Variants in CDH12 observed in about 807,000 individuals in gnomAD.
The protein encoded by CDH12 is cadherin 12.
In CDH12, 41 loss-of-function variants were observed where a neutral mutation model predicts 74.1. The observed-to-expected ratio is 0.55, with a 90% CI of 0.43 to 0.72. The LOEUF is 0.72. Among genes scored for constraint, CDH12 ranks in the 30% least tolerant of loss-of-function variants. The pLI is 0.00. For missense variants in CDH12, 945 were observed against 977.2 expected (o/e 0.97, Z 0.44); for synonymous variants, 399 against 355.0 (o/e 1.12, Z -1.39).
At chr5:21,954,709 T>C (rs565370291) in intron 6 of CDH12, among the ~76,000 whole-genome samples, 40 of 152,222 alleles carry the variant, frequency 2.6e-4, no homozygotes, top group African/African-American at 8.9e-4. Context: ...TCTGCTTTTT[T>C]ATTGTAAAAC....
chr5:22,694,871 G>T (rs1220549073), intron 1 of CDH12, among the ~76,000 whole-genome samples: 1 of 151,890 alleles, frequency 6.6e-6, no homozygotes, highest in Non-Finnish European at 1.5e-5. Flanking sequence ...TGTGCAGAAT[G>T]TGCAGGTTTG....
At chr5:22,157,966 C>T (rs571202033) in intron 4 of CDH12, among the ~76,000 whole-genome samples, 58 of 151,750 alleles carry the variant, frequency 3.8e-4, no homozygotes, top group African/African-American at 1.4e-3. Flanking sequence ...TAATTTTCAT[C>T]CTGTATTCAT....
rs189931247 is a variant in CDH12, at chr5:22,315,843, A to G, written c.-333+89414T>C. ...TTGAGGAATTAGTGGCTGCATTGCCAGACACCTTTCGCAAACTCTGTGAAG... is the reference window on the plus strand; with the variant it reads ...TTGAGGAATTAGTGGCTGCATTGCCGGACACCTTTCGCAAACTCTGTGAAG... On this transcript the variant is annotated intron_variant, in intron 3 of 14. Coordinates refer to ENST00000382254, the MANE Select transcript of CDH12 (RefSeq NM_004061.5). Among the ~76,000 whole-genome samples the G allele has an allele frequency of 7.1e-3, 1,084 of 152,294 alleles. 10 individuals are homozygous for G. Among genetic ancestry groups the G allele is most frequent in the South Asian group, 0.042 (203 of 4,822 alleles).
chr5:22,223,652 G>T (rs1752091446), intron 3 of CDH12, among the ~76,000 whole-genome samples: 2 of 152,002 alleles, frequency 1.3e-5, no homozygotes, highest in South Asian at 4.1e-4. Context: ...TCTAGAGTAG[G>T]ATTGGCCCAC....
At chr5:21,759,608 T>C (rs1425974945) in intron 13 of CDH12, among the ~76,000 whole-genome samples, 3 of 152,110 alleles carry the variant, frequency 2.0e-5, no homozygotes, top group African/African-American at 7.2e-5. Context: ...ATTTTGGTAG[T>C]ATGGAACAAA....
At chr5:22,618,725 T>G (rs546452094) in intron 1 of CDH12, among the ~76,000 whole-genome samples, 27 of 152,254 alleles carry the variant, frequency 1.8e-4, no homozygotes, top group African/African-American at 6.3e-4. Context: ...TGATTTGGTT[T>G]GGCTGTGTCT....
rs552693785 is a variant in CDH12 at position 22,270,997 on chromosome 5, A to G, written c.-332-58354T>C. Among the ~76,000 whole-genome samples the G allele has an allele frequency of 2.0e-5, 3 of 152,212 alleles. No individual in the cohort carries two copies. In the South Asian group the frequency reaches 6.2e-4, roughly 32 times the overall value. On this transcript the variant is annotated intron_variant, in intron 3 of 14. Coordinates refer to ENST00000382254, the MANE Select transcript of CDH12 (RefSeq NM_004061.5). ...CCTTTACTTTTGTTCTTTTGGCTCT[A>G]TAATAAGCATATTCTTTATACTTGG...
intron 4 of CDH12, among the ~76,000 whole-genome samples, chr5:22,179,619 A>C (rs550779908): frequency 2.0e-5 from 3 of 152,196 alleles, no homozygotes; most frequent in Non-Finnish European, 4.4e-5. Context: ...GATGGTACAT[A>C]GCTCCTGTGG....
At chr5:22,456,548 GAAC>G in intron 2 of CDH12, among the ~76,000 whole-genome samples, 2 of 151,876 alleles carry the variant, frequency 1.3e-5, no homozygotes, top group South Asian at 4.2e-4. Flanking sequence ...AAACAGCACA[GAAC>G]AAAAGATTTA....
chr5:22,158,160 T>C (rs975348457), intron 4 of CDH12, among the ~76,000 whole-genome samples: 5 of 152,090 alleles, frequency 3.3e-5, no homozygotes, highest in Non-Finnish European at 5.9e-5. Context: ...ATGGTTATGT[T>C]ATTAATGCAC....
chr5:22,244,514 AAAAAAAAAAAAAAAAAAAAG>A (rs1285839022), intron 3 of CDH12, among the ~76,000 whole-genome samples: 910 of 54,956 alleles, frequency 0.017, 52 homozygotes, highest in African/African-American at 0.054. Context: ...AAAAAAAAAA[AAAAAAAAAAAAAAAAAAAAG>A]AAGAAGAAGA....
chr5:22,713,168 G>A (rs1198083923), intron 1 of CDH12, among the ~76,000 whole-genome samples: 1 of 99,344 alleles, frequency 1.0e-5, no homozygotes, highest in Non-Finnish European at 1.8e-5. Context: ...TTGAGGTGGA[G>A]TCTTGCTCTC....
At chr5:22,744,281 T>C (rs1297443062) in intron 1 of CDH12, among the ~76,000 whole-genome samples, 1 of 151,970 alleles carries the variant, frequency 6.6e-6, no homozygotes, top group Non-Finnish European at 1.5e-5. Context: ...TACAAAAAAT[T>C]AGCCGGGCAT....
intron 5 of CDH12, among the ~76,000 whole-genome samples, chr5:22,003,610 G>A (rs1446351712): frequency 6.6e-6 from 1 of 151,982 alleles, no homozygotes; most frequent in Non-Finnish European, 1.5e-5. Context: ...AATAATTCTA[G>A]TGTTGCATTG....
In CDH12 at chr5:22,097,942, A is replaced by G. The variant is rs560656523; in HGVS notation, c.-186-19080T>C. On this transcript the variant is annotated intron_variant, in intron 4 of 14. Coordinates refer to ENST00000382254, the MANE Select transcript of CDH12 (RefSeq NM_004061.5). ...ACAATTCCCCCATTTCACCTGTCCT[A>G]AAACCAGACAAGGCTTACAGGTTAG... Among the ~76,000 whole-genome samples the G allele has an allele frequency of 1.3e-4, 20 of 152,282 alleles. No homozygotes were observed. In the East Asian group the frequency reaches 3.9e-3, roughly 29 times the overall value.
At chr5:22,844,050 G>T (rs1449683524) in intron 1 of CDH12, among the ~76,000 whole-genome samples, 1 of 151,916 alleles carries the variant, frequency 6.6e-6, no homozygotes, top group African/African-American at 2.4e-5. Flanking sequence ...CCTGCCCATG[G>T]TTTTTCCATC....
chr5:22,732,456 GTATATA>G (rs746288133), intron 1 of CDH12, among the ~76,000 whole-genome samples: 68 of 105,930 alleles, frequency 6.4e-4, no homozygotes, highest in African/African-American at 2.3e-3. Flanking sequence ...GAATGTGTGT[GTATATA>G]TATATATATA....
intron 4 of CDH12, among the ~76,000 whole-genome samples, chr5:22,092,811 C>G (rs1743512583): frequency 6.6e-6 from 1 of 152,064 alleles, no homozygotes; most frequent in South Asian, 2.1e-4. Context: ...AACCTCCCAG[C>G]AGCATTATTA....
chr5:22,188,267 C>T (rs1311718774), intron 4 of CDH12, among the ~76,000 whole-genome samples: 3 of 151,998 alleles, frequency 2.0e-5, no homozygotes, highest in Non-Finnish European at 4.4e-5. Flanking sequence ...GCCAGTGTGC[C>T]CCTCAGGTTT....
Sources: allele counts gnomAD v4.1 joint callset (sites outside exome capture counted in the v4.1 genomes callset), GRCh38; gene constraint gnomAD v4.1.1; transcripts MANE v1.5; gene names NCBI Gene and HGNC (gene_info 2026-07-23, HGNC 2026-07-21).